IDH3G: variants seen among roughly 807,000 people sequenced by gnomAD.
IDH3G encodes isocitrate dehydrogenase (NAD(+)) 3 non-catalytic subunit gamma.
In IDH3G, 9 loss-of-function variants were observed where a neutral mutation model predicts 26.9. The ratio of observed to expected loss-of-function variants is 0.34; its 90% CI spans 0.20 to 0.58. IDH3G has a LOEUF of 0.58. IDH3G is among the 20% of genes least tolerant of loss of function. IDH3G has a pLI of 0.85. For missense variants in IDH3G, 250 were observed against 372.8 expected (o/e 0.67, Z 2.71); for synonymous variants, 181 against 160.0 (o/e 1.13, Z -0.99).
chrX:153,789,339 T>C (rs2092100546), intron 5 of IDH3G: 2 of 270,222 alleles, frequency 7.4e-6, no homozygotes, highest in Middle Eastern at 1.2e-3. Flanking sequence ...AGGTCAGGAG[T>C]TCAAGACCAG....
At chrX:153,787,442 G>C in intron 8 of IDH3G, 22 bp downstream of exon 8, 1 of 1,206,018 alleles carries the variant, frequency 8.3e-7, no homozygotes, top group South Asian at 1.8e-5. Flanking sequence ...TGGACTGCTC[G>C]CAGAGAGGTC....
chrX:153,787,740 A>G, intron 7 of IDH3G, 83 bp downstream of exon 7: 3 of 1,142,516 alleles, frequency 2.6e-6, no homozygotes, highest in Non-Finnish European at 3.5e-6. Context: ...CCTGCCCTCT[A>G]AGGGTACACC....
Position 153,786,199 on chromosome X carries a change from A to AG in IDH3G, c.1080+12dup. The AG allele has an allele frequency of 8.3e-7, 1 of 1,208,909 alleles. No individual in the cohort carries two copies. The highest frequency in any genetic ancestry group is 1.1e-6 in the Non-Finnish European group (1 of 893,550). On this transcript the variant is annotated intron_variant, in intron 12 of 12. Transcript: ENST00000217901. ...GGGCGGGGCAGCAGGGTAGGGTGCG[A>AG]GGGGAACCTCACATTCTCATTGTCC...
intron 12 of IDH3G, 63 bp downstream of exon 12, chrX:153,786,149 C>G (rs782201511): frequency 8.3e-7 from 1 of 1,202,427 alleles, no homozygotes; most frequent in Admixed American, 2.2e-5. Flanking sequence ...ATGAGGCGGG[C>G]TACAGGAGGC....
Position 153,786,792 on chromosome X carries a change from G to C in IDH3G, c.924+9C>G. The stretch of plus-strand genomic sequence containing the variant: ...GGCGGCAAGCCGCGGCACTGCCACC[G>C]GCACTCACTGTTTCAAACACCGCGT... On this transcript the variant is annotated intron_variant, in intron 10 of 12. Coordinates refer to ENST00000217901, the MANE Select transcript of IDH3G (RefSeq NM_004135.4). The C allele has an allele frequency of 5.8e-6, 7 of 1,197,962 alleles. No homozygotes were observed. The highest frequency in any genetic ancestry group is 7.9e-6 in the Non-Finnish European group (7 of 885,378).
chrX:153,789,611 A>AGG lies in IDH3G; in HGVS notation c.346+100_346+101insCC, dbSNP rs1569542729. 4.2e-5 allele frequency: 22 copies of AGG among 527,970 alleles called. 1 individual carries two copies. The highest frequency in any genetic ancestry group is 3.3e-4 in the Middle Eastern group (1 of 3,055). The allele number at this position is 527,970 out of a possible 1,213,427, so 43.5% of individuals were successfully genotyped here. A position where few individuals can be genotyped will look rare whatever the true frequency, so the allele number is the denominator to read the frequency against. On this transcript the variant is annotated intron_variant, in intron 5 of 12. Coordinates refer to ENST00000217901, the MANE Select transcript of IDH3G (RefSeq NM_004135.4). Reference sequence around the variant, plus strand: ...CAAGCAAGAAAGCAGGAAAGCAAGCAAGAAAGCAAGCAAGCGAGCAAGTAA... The same window carrying AGG: ...CAAGCAAGAAAGCAGGAAAGCAAGCAGGAGAAAGCAAGCAAGCGAGCAAGTAA...
In IDH3G at chrX:153,785,835, A is replaced by G. The variant is rs1603254822; in HGVS notation, c.*37T>C. ...GCTGGGGTGCTGGAGTGGGAAGGGG[A>G]ATCCAAGGAGCAAACCAAGAAGGTC... On this transcript the variant is annotated 3_prime_UTR_variant, in exon 13 of 13. Transcript: ENST00000217901. 8.3e-7 allele frequency: 1 copy of G among 1,199,627 alleles called. No individual in the cohort carries two copies. The highest frequency in any genetic ancestry group is 1.1e-6 in the Non-Finnish European group (1 of 885,929).
rs781887432 is a variant in IDH3G, at chrX:153,787,160, G to T, written c.675-7C>A. 8.4e-7 allele frequency: 1 copy of T among 1,185,625 alleles called. No individual in the cohort carries two copies. The highest frequency in any genetic ancestry group is 3.0e-5 in the East Asian group (1 of 33,514). On this transcript the variant is annotated splice_polypyrimidine_tract_variant and splice_region_variant and intron_variant, in intron 8 of 12. Coordinates refer to ENST00000217901, the MANE Select transcript of IDH3G (RefSeq NM_004135.4). ...AAGCCCATCGCCCAGTTTCCTGGTG[G>T]GGGGTTAGGAATAGGACACCAGCTT...
intron 1 of IDH3G, chrX:153,793,447 A>G (rs1157012499): frequency 1.8e-5 from 2 of 111,567 alleles, no homozygotes; most frequent in Non-Finnish European, 3.8e-5. Flanking sequence ...CTTTGAGAAC[A>G]TGAAGTCTCC....
In IDH3G at chrX:153,787,590, G is replaced by A. The variant is rs1557069512; in HGVS notation, c.548C>T (p.Ala183Val). 4.1e-6 allele frequency: 5 copies of A among 1,209,058 alleles called. No individual in the cohort carries two copies. The highest frequency in any genetic ancestry group is 1.7e-5 in the African/African-American group (1 of 57,490). ...GATCTTCAGGCTCTCCACCACTCCCGCCACACTCTGAGGAGGGCATGGGGA... is the reference window on the plus strand; with the variant it reads ...GATCTTCAGGCTCTCCACCACTCCCACCACACTCTGAGGAGGGCATGGGGA... ...EYSSLEHESV[A>V]GVVESLKIIT... The change falls in exon 8 of 13, where the codon GCG (alanine) becomes GTG (valine). Residue 183 changes from alanine (A) to valine (V), a missense_variant. Around this residue, in one of 2 missense-constraint regions of IDH3G, gnomAD observed 201 missense variants for 331.3 expected, o/e 0.61. Coordinates refer to ENST00000217901, the MANE Select transcript of IDH3G (RefSeq NM_004135.4).
In IDH3G at chrX:153,785,944, G is replaced by T; in HGVS notation, c.1110C>A (p.Gly370=). The T allele has an allele frequency of 8.3e-7, 1 of 1,211,267 alleles. No individual in the cohort carries two copies. ...NMHTPDIGGQ[G]TTSEAIQDVI... is the part of the protein sequence containing the mutation. The stretch of plus-strand genomic sequence containing the variant: ...CGTCCTGGATGGCTTCAGATGTTGT[G>T]CCCTGGCCCCCGATGTCCGGAGTGT... Residue 370 remains glycine, a synonymous_variant, in exon 13 of 13, where the codon GGC becomes GGA. Transcript: ENST00000217901.
At position 153,786,900 on chromosome X, in the gene IDH3G, G is replaced by A; in HGVS notation, c.825C>T (p.Leu275=). 8.3e-7 allele frequency: 1 copy of A among 1,211,035 alleles called. No individual in the cohort carries two copies. Among genetic ancestry groups the A allele is most frequent in the Non-Finnish European group, 1.1e-6 (1 of 894,920 alleles). ...AGACATTGTTGACGATGTTGCCATA[G>A]AGATTGGGCATCACCATGACATCAA... The part of the protein sequence containing the change: ...QQFDVMVMPN[L]YGNIVNNVCA... The change falls in exon 10 of 13, where the codon CTC becomes CTT. Residue 275 remains leucine, a synonymous_variant. Transcript: ENST00000217901.
At chrX:153,791,822 G>C (rs2092110401) in intron 1 of IDH3G, among the ~76,000 whole-genome samples, 1 of 112,303 alleles carries the variant, frequency 8.9e-6, no homozygotes, top group East Asian at 2.8e-4. Flanking sequence ...TGTGTCCCTG[G>C]CCGGCACTCA....
intron 5 of IDH3G, 122 bp downstream of exon 5, chrX:153,789,590 C>A (rs78715065): frequency 1.0e-5 from 5 of 489,532 alleles, no homozygotes; most frequent in South Asian, 3.2e-5. Context: ...AGCAAGCAAG[C>A]AAGAAAGCAG....
Position 153,786,281 on chromosome X carries a change from T to C in IDH3G, c.1020-9A>G. ...TGGCATAGGAGTGCAGCCTAGAGGATGGGACAGCCAGCCTTCAGTCCCTGG... is the reference window on the plus strand; with the variant it reads ...TGGCATAGGAGTGCAGCCTAGAGGACGGGACAGCCAGCCTTCAGTCCCTGG... On this transcript the variant is annotated splice_polypyrimidine_tract_variant and intron_variant, in intron 11 of 12. Coordinates refer to ENST00000217901, the MANE Select transcript of IDH3G (RefSeq NM_004135.4). 1 of 1,204,376 alleles carries C rather than the reference T, an allele frequency of 8.3e-7. No homozygotes were observed. The highest frequency in any genetic ancestry group is 1.1e-6 in the Non-Finnish European group (1 of 890,793).
chrX:153,790,040 T>G (rs905132015), intron 4 of IDH3G, 155 bp downstream of exon 4: 1 of 505,730 alleles, frequency 2.0e-6, no homozygotes, highest in Non-Finnish European at 3.4e-6. Flanking sequence ...CCCAGGCCAG[T>G]CTGGCGGGAT....
intron 1 of IDH3G, 116 bp from the exon 2 acceptor site, chrX:153,790,967 G>T: frequency 1.6e-6 from 1 of 621,727 alleles, no homozygotes; most frequent in Non-Finnish European, 2.7e-6. Flanking sequence ...GTGCAGCATG[G>T]CCCACTGCCA....
rs781824313 is a variant in IDH3G, at chrX:153,786,374, T to C, written c.1000A>G (p.Met334Val). 8.3e-6 allele frequency: 10 copies of C among 1,209,337 alleles called. No homozygotes were observed. Among genetic ancestry groups the C allele is most frequent in the South Asian group, 1.8e-5 (1 of 56,704 alleles). Reference protein sequence around the residue: ...NPTATLLASCMMLDHLKLHSY... With the variant: ...NPTATLLASCVMLDHLKLHSY... ...ACTCACTTGAGGTGGTCCAGCATCA[T>C]GCAGCTGGCCAGCAGGGTGGCCGTG... is the stretch of plus-strand genomic sequence containing the variant. The change falls in exon 11 of 13, where the codon ATG (methionine) becomes GTG (valine). Residue 334 changes from methionine (M) to valine (V), a missense_variant. By Grantham distance (21) the Met-to-Val change is conservative (BLOSUM62 1). Coordinates refer to ENST00000217901, the MANE Select transcript of IDH3G (RefSeq NM_004135.4).
intron 1 of IDH3G, chrX:153,793,566 C>T (rs1163559330): frequency 8.9e-6 from 1 of 112,400 alleles, no homozygotes; most frequent in Non-Finnish European, 1.9e-5. Flanking sequence ...AAACCTCTTA[C>T]CCATCAGGGC....
Sources: gnomAD v4.1 joint callset for allele counts (sites outside exome capture counted in the v4.1 genomes callset) on GRCh38, gnomAD v4.1.1 for gene constraint, gnomAD v4.1.1 regional missense constraint, MANE v1.5 for transcripts, NCBI Gene and HGNC (gene_info 2026-07-23, HGNC 2026-07-21) for gene names.